Variants in TTC23L observed in about 807,000 individuals in gnomAD.
TTC23L encodes tetratricopeptide repeat protein 23-like.
Under a neutral mutation model 48.1 loss-of-function variants are expected in TTC23L, and 42 were observed. That is an observed-to-expected ratio of 0.87 (90% CI 0.68 to 1.13). The LOEUF (loss-of-function observed/expected upper bound fraction) is 1.13. TTC23L is among the 50% of genes most tolerant of loss of function. The probability of loss-of-function intolerance (pLI) is 0.00; values close to 1 mark genes in which losing one functional copy is unlikely to be tolerated. For missense variants in TTC23L, 391 were observed against 421.0 expected (o/e 0.93, Z 0.62); for synonymous variants, 159 against 157.2 (o/e 1.01, Z -0.09).
the TTC23L span, chr5:34,908,476 A>T: frequency 4.7e-6 from 1 of 214,588 alleles, no homozygotes; most frequent in Non-Finnish European, 9.2e-6. Flanking sequence ...CCACCTTTAG[A>T]CTCTTGAAAT....
the TTC23L span, chr5:34,923,224 G>A: frequency 6.9e-6 from 11 of 1,603,954 alleles, no homozygotes; most frequent in Admixed American, 3.3e-5. Context: ...ATATGGTTTC[G>A]GAACTTTCAG....
chr5:34,846,600 TACAC>T (rs1156477205), intron 3 of TTC23L, among the ~76,000 whole-genome samples: 1 of 92,906 alleles, frequency 1.1e-5, no homozygotes, highest in African/African-American at 5.2e-5. Flanking sequence ...TATATATATA[TACAC>T]ACACATATAT....
intron 2 of TTC23L, 114 bp downstream of exon 2, chr5:34,840,853 C>G: frequency 1.0e-6 from 1 of 959,932 alleles, no homozygotes; most frequent in Non-Finnish European, 1.7e-6. Context: ...TCACGACCAG[C>G]CTGACCAACA....
At chr5:34,889,172 A>G (rs1241591236) in intron 9 of TTC23L, among the ~76,000 whole-genome samples, 1 of 152,198 alleles carries the variant, frequency 6.6e-6, no homozygotes, top group African/African-American at 2.4e-5. Context: ...ATTTATACCA[A>G]ATTCATAAAA....
chr5:34,865,632 T>G (rs1046089234), intron 6 of TTC23L, among the ~76,000 whole-genome samples: 1 of 152,264 alleles, frequency 6.6e-6, no homozygotes, highest in African/African-American at 2.4e-5. Flanking sequence ...AACTACATAC[T>G]AGACACTGTT....
chr5:34,840,159 T>A (rs761568839), intron 1 of TTC23L, among the ~76,000 whole-genome samples: 75 of 138,824 alleles, frequency 5.4e-4, no homozygotes, highest in Non-Finnish European at 6.3e-4. Flanking sequence ...CCCACAGTGC[T>A]GGGATTACAG....
rs115168181 is a variant in TTC23L at position 34,840,610 on chromosome 5, T to C, written c.-7-55T>C. ...TTAATAGCAAACCAGAGGGGGAAAA[T>C]AGAACAGACACCCAGCCTTTTCTCT... is the stretch of plus-strand genomic sequence containing the variant. On this transcript the variant is annotated intron_variant, in intron 1 of 10. Transcript: ENST00000505624. 2.6e-3 allele frequency: 3,791 copies of C among 1,482,704 alleles called. 77 individuals are homozygous for C. The African/African-American group carries it at 0.047, about 18-fold the overall frequency. The allele number at this position is 1,482,704 out of a possible 1,614,324, so 91.8% of individuals were successfully genotyped here.
At chr5:34,918,661 G>A in the TTC23L span, 2 of 478,930 alleles carry the variant, frequency 4.2e-6, no homozygotes, top group Non-Finnish European at 7.5e-6. Flanking sequence ...GATTTCATTA[G>A]GTAGATTCTT....
At chr5:34,847,275 A>C (rs1298118483) in intron 3 of TTC23L, among the ~76,000 whole-genome samples, 1 of 152,178 alleles carries the variant, frequency 6.6e-6, no homozygotes, top group Non-Finnish European at 1.5e-5. Context: ...TCCAGGCTAG[A>C]AGGATCATTT....
At chr5:34,880,463 A>G (rs1762150353) in intron 9 of TTC23L, 155 bp downstream of exon 9, 1 of 848,634 alleles carries the variant, frequency 1.2e-6, no homozygotes, top group Non-Finnish European at 1.8e-6. Flanking sequence ...CATTAACCGA[A>G]TTATTTTTTT....
At chr5:34,904,735 C>T in the TTC23L span, among the ~76,000 whole-genome samples, 2 of 152,090 alleles carry the variant, frequency 1.3e-5, no homozygotes, top group Admixed American at 6.6e-5. Context: ...ACTGTCCTAA[C>T]GTAGTCAGCC....
chr5:34,839,357 G>A (rs1443709860), intron 1 of TTC23L, 98 bp downstream of exon 1: 3 of 152,832 alleles, frequency 2.0e-5, no homozygotes, highest in Non-Finnish European at 4.4e-5. Flanking sequence ...TCTCCGCCTT[G>A]AGCCAGGTGC....
intron 1 of TTC23L, among the ~76,000 whole-genome samples, chr5:34,839,930 C>T (rs1758463377): frequency 6.6e-6 from 1 of 152,200 alleles, no homozygotes; most frequent in African/African-American, 2.4e-5. Flanking sequence ...TATTTTGAGA[C>T]GGAGTCTCGC....
chr5:34,894,883 AATGATGATGATGATG>A (rs79554898), intron 9 of TTC23L, among the ~76,000 whole-genome samples: 1 of 150,822 alleles, frequency 6.6e-6, no homozygotes, highest in Non-Finnish European at 1.5e-5. Context: ...TGAGAGTGTT[AATGATGATGATGATG>A]ATGATGATGA....
intron 9 of TTC23L, among the ~76,000 whole-genome samples, chr5:34,896,248 T>A (rs1763217058): frequency 6.6e-6 from 1 of 152,006 alleles, no homozygotes; most frequent in South Asian, 2.1e-4. Context: ...CCCACAGAAA[T>A]GGTCTGATAG....
chr5:34,871,140 A>G (rs1761426896), intron 8 of TTC23L, among the ~76,000 whole-genome samples: 1 of 152,236 alleles, frequency 6.6e-6, no homozygotes, highest in Admixed American at 6.5e-5. Context: ...CCCTATTTGC[A>G]GTCAAAATGA....
the TTC23L span, chr5:34,918,354 T>A: frequency 1.5e-6 from 2 of 1,324,940 alleles, no homozygotes; most frequent in Non-Finnish European, 2.2e-6. Context: ...AACATTTTCT[T>A]TTTCTTTAGG....
chr5:34,870,138 T>C (rs1183334527), intron 8 of TTC23L, among the ~76,000 whole-genome samples: 1 of 151,896 alleles, frequency 6.6e-6, no homozygotes, highest in Non-Finnish European at 1.5e-5. Flanking sequence ...TATACTAATT[T>C]TTAACTTTAA....
intron 1 of TTC23L, chr5:34,839,710 G>C (rs1163308648): frequency 2.1e-6 from 2 of 965,638 alleles, no homozygotes; most frequent in East Asian, 2.3e-4. Context: ...GGTGAAAGGA[G>C]AGGCGACTTG....
Sources: gnomAD v4.1 joint callset for allele counts (sites outside exome capture counted in the v4.1 genomes callset) on GRCh38, gnomAD v4.1.1 for gene constraint, MANE v1.5 for transcripts, NCBI Gene and HGNC (gene_info 2026-07-23, HGNC 2026-07-21) for gene names.